The following CELSR3 variants were observed in gnomAD, a reference collection of about 807,000 sequenced individuals.
CELSR3 encodes the protein cadherin EGF LAG seven-pass G-type receptor 3.
CELSR3 carries 73 observed loss-of-function variants against 270.0 expected under a neutral mutation model. The ratio of observed to expected loss-of-function variants is 0.27; its 90% CI spans 0.22 to 0.33. The LOEUF (loss-of-function observed/expected upper bound fraction) is 0.33, where lower values mean the gene tolerates loss of function less well. CELSR3 is among the 10% of genes least tolerant of loss of function. CELSR3 has a pLI of 1.00. For synonymous variants in CELSR3, 1,780 were observed against 1,905.4 expected (o/e 0.93, Z 1.71); for missense variants, 3,614 against 4,533.8 (o/e 0.80, Z 5.83).
rs2047056812 is a variant in CELSR3 at position 48,644,227 on chromosome 3, C to T, written c.8154G>A (p.Lys2718=). ...GCCAGCCAACTCACAGTGCAGAGGT[C>T]TTCTTGGCCTCCCTCTGCCCTGTGG... ...SCSTGQREAK[K]TSALTLRSSF... is the part of the protein sequence containing the mutation. Residue 2718 remains lysine (K), a synonymous_variant, in exon 27 of 35, where the codon AAG becomes AAA. Transcript: ENST00000164024. This position sits in a 1 kb window ranked among gnomAD's most constrained non-coding sequence, Gnocchi z 4.8. 1 of 1,612,894 alleles carries T rather than the reference C, an allele frequency of 6.2e-7. No individual in the cohort carries two copies. Among genetic ancestry groups the T allele is most frequent in the Admixed American group, 1.7e-5 (1 of 60,010 alleles).
intron 28 of CELSR3, 66 bp downstream of exon 28, chr3:48,643,488 T>C: frequency 2.0e-6 from 3 of 1,523,806 alleles, no homozygotes; most frequent in Non-Finnish European, 2.7e-6. Flanking sequence ...AACGTCTGCC[T>C]AGGGATGGCC....
In CELSR3 at chr3:48,641,860, G is replaced by A. The variant is rs1203985942; in HGVS notation, c.8815C>T (p.His2939Tyr). ...AGAGGGCGCCTGGCACCTTTGGGGT[G>A]GGTGAGGAGCCTCTCACTCTGGGCT... ...RAAQSERLLTHPKDVDGNDLL... is the reference protein window; with the variant it reads ...RAAQSERLLTYPKDVDGNDLL... The change falls in exon 32 of 35, where the codon CAC becomes TAC. Residue 2939 changes from histidine to tyrosine, a missense_variant. Physicochemically the swap from His to Tyr is moderately conservative, Grantham distance 83. Transcript: ENST00000164024. This position sits in a 1 kb window ranked among gnomAD's most constrained non-coding sequence, Gnocchi z 4.8. The A allele has an allele frequency of 6.8e-6, 10 of 1,473,970 alleles. 1 individual carries two copies. Among genetic ancestry groups the A allele is most frequent in the South Asian group, 2.8e-5 (2 of 70,288 alleles). 91.3% of individuals were successfully genotyped at this position (1,473,970 alleles called of 1,614,324 possible). A position where few individuals can be genotyped will look rare whatever the true frequency, so the allele number is the denominator to read the frequency against.
chr3:48,655,181 C>A lies in CELSR3; in HGVS notation c.4851G>T (p.Gly1617=). ...TGTCCTTGGAGGGGCCCTGTGCACC[C>A]CCTAGGGCATCTGTCCGGGGCTGAA... ...YYNKPRTDAL[G]GAQGPSKDKV... Residue 1617 remains glycine (G), a synonymous_variant, in exon 6 of 35, where the codon GGG becomes GGT. Coordinates refer to ENST00000164024, the MANE Select transcript of CELSR3 (RefSeq NM_001407.3). The surrounding 1 kb of genome is among the most constrained non-coding windows in gnomAD (Gnocchi z 5.8). 1 of 1,613,896 alleles carries A rather than the reference C, an allele frequency of 6.2e-7. No homozygotes were observed. Among genetic ancestry groups the A allele is most frequent in the Non-Finnish European group, 8.5e-7 (1 of 1,179,902 alleles).
Position 48,648,755 on chromosome 3 carries a change from G to A in CELSR3, c.6741C>T (p.Phe2247=), listed in dbSNP as rs760704592. 8.1e-6 allele frequency: 13 copies of A among 1,612,678 alleles called. No individual in the cohort carries two copies. Among genetic ancestry groups the A allele is most frequent in the African/African-American group, 6.7e-5 (5 of 75,032 alleles). The change falls in exon 18 of 35, where the codon TTC becomes TTT. Residue 2247 remains phenylalanine (F), a synonymous_variant. Transcript: ENST00000164024. The part of the protein sequence containing the change: ...LLAFESHQQG[F]GLTATQDAHF... ...GGGCATCCTGTGTGGCTGTCAGCCCGAAGCCCTGCTGATGGCTCTCGAAGG... is the reference window on the plus strand; with the variant it reads ...GGGCATCCTGTGTGGCTGTCAGCCCAAAGCCCTGCTGATGGCTCTCGAAGG...
rs763267447 is a variant in CELSR3 at position 48,639,945 on chromosome 3, G to A, written c.9640C>T (p.Arg3214Ter). ...TGCGGGAGTGGCCCAAGGGCTTCTC[G>A]TGAGGGGTGCCGGCTAGGCACCTGG... is the stretch of plus-strand genomic sequence containing the variant. ...LDQVPSRHPS[R>*]EALGPLPQLL... Residue 3214 changes from arginine to a stop codon, truncating the protein, a stop_gained, in exon 34 of 35, where the codon CGA becomes TGA. Transcript: ENST00000164024. LOFTEE classifies it high-confidence loss of function. This position sits in a 1 kb window ranked among gnomAD's most constrained non-coding sequence, Gnocchi z 4.1. 2.5e-6 allele frequency: 4 copies of A among 1,612,814 alleles called. No homozygotes were observed. The highest frequency in any genetic ancestry group is 1.7e-6 in the Non-Finnish European group (2 of 1,180,018).
rs1241234213 is a variant in CELSR3, at chr3:48,662,807, C to T, written c.-173G>A. The T allele has an allele frequency of 2.3e-5, 7 of 303,396 alleles. No homozygotes were observed. Among genetic ancestry groups the T allele is most frequent in the Non-Finnish European group, 3.6e-5 (6 of 166,102 alleles). 18.8% of individuals were successfully genotyped at this position (303,396 alleles called of 1,614,324 possible). ...GGCACCATCTACTCCGCGGCCGGAG[C>T]CCCTCCGGCGTGCGGCCCTGGCTTT... On this transcript the variant is annotated 5_prime_UTR_variant, in exon 1 of 35. Coordinates refer to ENST00000164024, the MANE Select transcript of CELSR3 (RefSeq NM_001407.3). This position sits in a 1 kb window ranked among gnomAD's most constrained non-coding sequence, Gnocchi z 7.1.
Position 48,652,145 on chromosome 3 carries a change from G to T in CELSR3, c.5752-97C>A. 8.1e-7 allele frequency: 1 copy of T among 1,237,538 alleles called. No homozygotes were observed. The highest frequency in any genetic ancestry group is 1.6e-5 in the South Asian group (1 of 63,088). 76.7% of individuals were successfully genotyped at this position (1,237,538 alleles called of 1,614,324 possible). On this transcript the variant is annotated intron_variant, in intron 11 of 34. Coordinates refer to ENST00000164024, the MANE Select transcript of CELSR3 (RefSeq NM_001407.3). This position sits in a 1 kb window ranked among gnomAD's most constrained non-coding sequence, Gnocchi z 4.3. The stretch of plus-strand genomic sequence containing the variant: ...CACCCGGTCTGATGATCCTTGACAT[G>T]CAGTCTTCTGATACCCTCAAAAAAC...
Position 48,657,332 on chromosome 3 carries a change from C to T in CELSR3, c.3765G>A (p.Val1255=). The change falls in exon 2 of 35, where the codon GTG becomes GTA. Residue 1255 remains valine (V), a synonymous_variant. Coordinates refer to ENST00000164024, the MANE Select transcript of CELSR3 (RefSeq NM_001407.3). This position sits in a 1 kb window ranked among gnomAD's most constrained non-coding sequence, Gnocchi z 5.4. The part of the protein sequence containing the change: ...LVTVTDGLHS[V]TAQCVLRVVI... Reference sequence around the variant, plus strand: ...CCACGCGCAGCACACACTGCGCCGTCACGCTGTGCAGGCCATCTGCAGGCG... The same window carrying T: ...CCACGCGCAGCACACACTGCGCCGTTACGCTGTGCAGGCCATCTGCAGGCG... The T allele has an allele frequency of 6.2e-7, 1 of 1,601,442 alleles. No homozygotes were observed. Among genetic ancestry groups the T allele is most frequent in the Non-Finnish European group, 8.5e-7 (1 of 1,174,026 alleles).
At chr3:48,643,425 A>C in intron 28 of CELSR3, 129 bp downstream of exon 28, 1 of 1,292,616 alleles carries the variant, frequency 7.7e-7, no homozygotes, top group Non-Finnish European at 1.0e-6. Context: ...GGTCTGGGGT[A>C]GTACCCAGCC....
At position 48,652,623 on chromosome 3, in the gene CELSR3, G is replaced by T; in HGVS notation, c.5635-70C>A. ...GAACCCCTGTCATAGCCCAGAGTCA[G>T]TCTTGGCCTTCTTCTAGCCCTTCTA... On this transcript the variant is annotated intron_variant, in intron 10 of 34. Coordinates refer to ENST00000164024, the MANE Select transcript of CELSR3 (RefSeq NM_001407.3). The surrounding 1 kb of genome is among the most constrained non-coding windows in gnomAD (Gnocchi z 4.3). The T allele has an allele frequency of 8.0e-6, 10 of 1,247,314 alleles. No individual in the cohort carries two copies. The highest frequency in any genetic ancestry group is 1.0e-5 in the Non-Finnish European group (9 of 889,506). The allele number at this position is 1,247,314 out of a possible 1,614,324, so 77.3% of individuals were successfully genotyped here. A position where few individuals can be genotyped will look rare whatever the true frequency, so the allele number is the denominator to read the frequency against.
chr3:48,654,441 A>G lies in CELSR3; in HGVS notation c.5000T>C (p.Leu1667Pro). The change falls in exon 7 of 35, where the codon CTG (leucine) becomes CCG (proline). Residue 1667 changes from leucine (L) to proline (P), a missense_variant. By Grantham distance (98) the Leu-to-Pro change is moderately conservative. This residue lies in a region of CELSR3 where 1,331 missense variants were observed against 1,933.7 expected (regional missense o/e 0.69). Transcript: ENST00000164024. This position sits in a 1 kb window ranked among gnomAD's most constrained non-coding sequence, Gnocchi z 5.4. Reference protein sequence around the residue: ...VQTSSKKSLDLTGPLLLGGVP... With the variant: ...VQTSSKKSLDPTGPLLLGGVP... ...ACCTCCCAGAAGAAGAGGGCCCGTC[A>G]GGTCCAGGGACCTGGGGATCAGGGG... The G allele has an allele frequency of 6.3e-7, 1 of 1,590,698 alleles. No individual in the cohort carries two copies. Among genetic ancestry groups the G allele is most frequent in the South Asian group, 1.1e-5 (1 of 88,990 alleles).
In CELSR3 at chr3:48,651,258, C is replaced by G. The variant is rs1228907511; in HGVS notation, c.6186+101G>C. On this transcript the variant is annotated intron_variant, in intron 14 of 34. Transcript: ENST00000164024. This position sits in a 1 kb window ranked among gnomAD's most constrained non-coding sequence, Gnocchi z 7.4. ...CAGCAACTTGGTCACAGGACACAGGCAAGAGGTTAGGGCCCAAGTCAGGTG... is the reference window on the plus strand; with the variant it reads ...CAGCAACTTGGTCACAGGACACAGGGAAGAGGTTAGGGCCCAAGTCAGGTG... 1 of 1,559,212 alleles carries G rather than the reference C, an allele frequency of 6.4e-7. No homozygotes were observed. The highest frequency in any genetic ancestry group is 8.7e-7 in the Non-Finnish European group (1 of 1,144,162).
In CELSR3 at chr3:48,640,286, C is replaced by T. The variant is rs778590372; in HGVS notation, c.9299G>A (p.Gly3100Glu). 1.2e-6 allele frequency: 2 copies of T among 1,612,838 alleles called. No individual in the cohort carries two copies. The highest frequency in any genetic ancestry group is 1.7e-6 in the Non-Finnish European group (2 of 1,179,970). ...TGCAGCATCCATGCATTCCTGGGAC[C>T]CTGGCCGGCTCAGGGGACGTAGAAC... ...APVLRPLSRP[G>E]SQECMDAAPG... is the part of the protein sequence containing the mutation. The change falls in exon 34 of 35, where the codon GGG (glycine) becomes GAG (glutamate). Residue 3100 changes from glycine to glutamate, a missense_variant. Gly to Glu is a moderately conservative substitution (Grantham distance 98). Around this residue, in one of 7 missense-constraint regions of CELSR3, gnomAD observed 1,240 missense variants for 1,351.7 expected, o/e 0.92. Coordinates refer to ENST00000164024, the MANE Select transcript of CELSR3 (RefSeq NM_001407.3). The surrounding 1 kb of genome is among the most constrained non-coding windows in gnomAD (Gnocchi z 7.5).
chr3:48,656,661 C>G (rs2077025776), intron 2 of CELSR3, 37 bp downstream of exon 2: 5 of 1,452,840 alleles, frequency 3.4e-6, no homozygotes, highest in African/African-American at 2.8e-5. Context: ...AGCCTTGGCC[C>G]GTGCTTCCCC....
chr3:48,659,305 G>A lies in CELSR3; in HGVS notation c.3330C>T (p.Asn1110=). Reference sequence around the variant, plus strand: ...TGTCCATTTGGAACAGCTCAGGGATGTTCCCCTCCACGATCTGGTACATTA... The same window carrying A: ...TGTCCATTTGGAACAGCTCAGGGATATTCCCCTCCACGATCTGGTACATTA... ...AHIMYQIVEG[N]IPELFQMDIF... is the part of the protein sequence containing the mutation. The change falls in exon 1 of 35, where the codon AAC becomes AAT. Residue 1110 remains asparagine (N), a synonymous_variant. Transcript: ENST00000164024. This position sits in a 1 kb window ranked among gnomAD's most constrained non-coding sequence, Gnocchi z 8.1. 1 of 1,614,208 alleles carries A rather than the reference G, an allele frequency of 6.2e-7. No individual in the cohort carries two copies. The highest frequency in any genetic ancestry group is 8.5e-7 in the Non-Finnish European group (1 of 1,180,034).
In CELSR3 at chr3:48,660,769, C is replaced by T. The variant is rs746947548; in HGVS notation, c.1866G>A (p.Ala622=). The T allele has an allele frequency of 6.0e-5, 97 of 1,614,106 alleles. No individual in the cohort carries two copies. Among genetic ancestry groups the T allele is most frequent in the Admixed American group, 3.0e-4 (18 of 60,028 alleles). The change falls in exon 1 of 35, where the codon GCG becomes GCA. Residue 622 remains alanine, a synonymous_variant. Coordinates refer to ENST00000164024, the MANE Select transcript of CELSR3 (RefSeq NM_001407.3). This position sits in a 1 kb window ranked among gnomAD's most constrained non-coding sequence, Gnocchi z 5.5. ...AEREYALRIR[A]QDAGRPPLSN... is the part of the protein sequence containing the mutation. ...ACAGCGGTGGCCGGCCAGCATCCTG[C>T]GCCCTGATGCGCAAGGCATACTCTC... is the stretch of plus-strand genomic sequence containing the variant.
chr3:48,651,567 A>G lies in CELSR3; in HGVS notation c.6065+10T>C, dbSNP rs1289011050. 1 of 1,585,528 alleles carries G rather than the reference A, an allele frequency of 6.3e-7. No individual in the cohort carries two copies. The highest frequency in any genetic ancestry group is 8.6e-7 in the Non-Finnish European group (1 of 1,163,036). ...CAGGTCTCCCCATCGCCTCAGCCCC[A>G]GCCTCTTACCTGTGCTCACAGTGGT... On this transcript the variant is annotated intron_variant, in intron 13 of 34. Coordinates refer to ENST00000164024, the MANE Select transcript of CELSR3 (RefSeq NM_001407.3). The surrounding 1 kb of genome is among the most constrained non-coding windows in gnomAD (Gnocchi z 7.4).
intron 17 of CELSR3, 41 bp downstream of exon 17, chr3:48,649,080 G>T: frequency 6.3e-7 from 1 of 1,584,762 alleles, no homozygotes. Flanking sequence ...CACAGGCCAA[G>T]GAAGGTCTTA....
chr3:48,642,652 C>A lies in CELSR3; in HGVS notation c.8555+84G>T, dbSNP rs979607103. On this transcript the variant is annotated intron_variant, in intron 30 of 34. Transcript: ENST00000164024. This position sits in a 1 kb window ranked among gnomAD's most constrained non-coding sequence, Gnocchi z 6.1. ...TGGCCAAGATGGGTGGAGCCACCCG[C>A]CCTAGGACCTGGTCAGCCAAGCCCT... 22 of 1,540,202 alleles carry A rather than the reference C, an allele frequency of 1.4e-5. No individual in the cohort carries two copies. Among genetic ancestry groups the A allele is most frequent in the Non-Finnish European group, 1.8e-5 (21 of 1,145,872 alleles).
Sources: gnomAD v4.1 joint callset for allele counts on GRCh38, gnomAD v4.1.1 for gene constraint, gnomAD v4.1.1 regional missense constraint, Gnocchi (gnomAD v3.1) non-coding constraint, MANE v1.5 for transcripts, NCBI Gene and HGNC (gene_info 2026-07-23, HGNC 2026-07-21) for gene names.